PSTPIP1: variants seen among roughly 807,000 people sequenced by gnomAD.
The protein encoded by PSTPIP1 is proline-serine-threonine phosphatase interacting protein 1.
In PSTPIP1, 66 loss-of-function variants were observed where a neutral mutation model predicts 69.6. That is an observed-to-expected ratio of 0.95 (90% confidence interval 0.78 to 1.16). The LOEUF (loss-of-function observed/expected upper bound fraction) is 1.16, where lower values mean the gene tolerates loss of function less well. PSTPIP1 is among the 50% of genes most tolerant of loss of function. The pLI, the probability that PSTPIP1 is intolerant of heterozygous loss-of-function variation, is 0.00. For synonymous variants in PSTPIP1, 266 were observed against 222.7 expected (o/e 1.19, Z -1.73); for missense variants, 603 against 557.4 (o/e 1.08, Z -0.82).
At chr15:77,035,059 T>C (rs548524554) in intron 12 of PSTPIP1, among the ~76,000 whole-genome samples, 9 of 152,316 alleles carry the variant, frequency 5.9e-5, no homozygotes, top group African/African-American at 1.9e-4. Context: ...TGTGTGGCAG[T>C]GCACCCCCCA....
intron 13 of PSTPIP1, 43 bp from the exon 14 acceptor site, chr15:77,035,758 GT>G: frequency 6.9e-7 from 1 of 1,438,860 alleles, no homozygotes; most frequent in Non-Finnish European, 9.0e-7. Flanking sequence ...CCAGGGGCCA[GT>G]GTCCCCAGAA....
chr15:77,037,386 T>C lies in PSTPIP1; in HGVS notation c.*210T>C, dbSNP rs1251169420. On this transcript the variant is annotated 3_prime_UTR_variant, in exon 15 of 15. Transcript: ENST00000558012. ...TTCTCCTGCTCCAGTGTCCGAGTGC[T>C]CAGTTCAGAGGAGGCAAAGGAACAA... 6 of 580,370 alleles carry C rather than the reference T, an allele frequency of 1.0e-5. No homozygotes were observed. The highest frequency in any genetic ancestry group is 1.7e-5 in the Non-Finnish European group (6 of 353,524). The allele number at this position is 580,370 out of a possible 1,614,324, so 36.0% of individuals were successfully genotyped here.
chr15:77,025,235 G>C, intron 3 of PSTPIP1, 49 bp from the exon 4 acceptor site: 1 of 1,563,346 alleles, frequency 6.4e-7, no homozygotes, highest in Non-Finnish European at 8.8e-7. Flanking sequence ...TGGACTGTAG[G>C]TTCCCGCTGT....
chr15:77,022,720 G>A (rs900735102), intron 3 of PSTPIP1, among the ~76,000 whole-genome samples: 1 of 152,208 alleles, frequency 6.6e-6, no homozygotes, highest in African/African-American at 2.4e-5. Context: ...TTCATCTGGG[G>A]CCAAGAAAGG....
At chr15:77,036,041 C>G in intron 14 of PSTPIP1, 106 bp downstream of exon 14, 2 of 1,366,106 alleles carry the variant, frequency 1.5e-6, no homozygotes, top group Non-Finnish European at 1.9e-6. Context: ...TGGTTTCACT[C>G]ATCTTCGAGC....
intron 14 of PSTPIP1, 86 bp from the exon 15 acceptor site, chr15:77,036,959 G>C: frequency 6.5e-7 from 1 of 1,538,738 alleles, no homozygotes. Context: ...CGCATTTACT[G>C]CTGGGTGGGG....
intron 1 of PSTPIP1, among the ~76,000 whole-genome samples, chr15:76,996,568 C>A (rs952574508): frequency 2.0e-5 from 3 of 152,248 alleles, no homozygotes; most frequent in Non-Finnish European, 4.4e-5. Context: ...GGGCCTTTTC[C>A]TGGGGCTGCA....
intron 14 of PSTPIP1, among the ~76,000 whole-genome samples, chr15:77,036,824 G>A (rs1011139923): frequency 4.6e-5 from 7 of 152,136 alleles, no homozygotes; most frequent in African/African-American, 7.2e-5. Flanking sequence ...AGGTGAGGCT[G>A]GGAAGAAACC....
chr15:77,036,681 A>AGCTGGG (rs1366394753), intron 14 of PSTPIP1, among the ~76,000 whole-genome samples: 2 of 152,084 alleles, frequency 1.3e-5, no homozygotes, highest in East Asian at 1.9e-4. Flanking sequence ...GGCAGTGGCT[A>AGCTGGG]GCTGGGGCTG....
At chr15:77,030,346 A>AC (rs1784869912) in intron 8 of PSTPIP1, among the ~76,000 whole-genome samples, 156 bp from the exon 9 acceptor site, 1 of 152,172 alleles carries the variant, frequency 6.6e-6, no homozygotes, top group Non-Finnish European at 1.5e-5. Flanking sequence ...GGTGGCCCTG[A>AC]CGGGCATTCA....
intron 7 of PSTPIP1, 104 bp downstream of exon 7, chr15:77,028,756 G>A: frequency 9.6e-7 from 1 of 1,041,196 alleles, no homozygotes; most frequent in East Asian, 2.9e-5. Context: ...TGCATCTGGG[G>A]ATGCTGCTTA....
At chr15:77,032,765 C>A in intron 11 of PSTPIP1, 97 bp from the exon 12 acceptor site, 1 of 1,090,414 alleles carries the variant, frequency 9.2e-7, no homozygotes, top group Non-Finnish European at 1.3e-6. Flanking sequence ...CAGGATGGGC[C>A]AGGGCCAGAT....
intron 12 of PSTPIP1, among the ~76,000 whole-genome samples, chr15:77,034,162 T>C (rs1388801657): frequency 6.6e-6 from 1 of 150,768 alleles, no homozygotes; most frequent in Non-Finnish European, 1.5e-5. Context: ...GGTCAGTGAC[T>C]GGGAGTCAGA....
chr15:77,029,439 G>C (rs529834707), intron 7 of PSTPIP1, 90 bp from the exon 8 acceptor site: 39 of 1,466,192 alleles, frequency 2.7e-5, no homozygotes, highest in East Asian at 2.5e-4. Context: ...CAGGGTGGCC[G>C]GGGAAGCTTG....
intron 1 of PSTPIP1, among the ~76,000 whole-genome samples, chr15:77,004,875 C>A (rs1223803210): frequency 6.0e-5 from 9 of 149,156 alleles, no homozygotes; most frequent in African/African-American, 2.2e-4. Context: ...AACAAACAAA[C>A]AAACAAAAAA....
intron 7 of PSTPIP1, 114 bp downstream of exon 7, chr15:77,028,766 A>G: frequency 1.1e-6 from 1 of 941,662 alleles, no homozygotes. Flanking sequence ...GATGCTGCTT[A>G]GCCCTCTCTG....
At position 77,035,876 on chromosome 15, in the gene PSTPIP1, C is replaced by G. The variant is rs1013725363; in HGVS notation, c.1060C>G (p.Gln354Glu). 6.2e-7 allele frequency: 1 copy of G among 1,610,664 alleles called. No homozygotes were observed. ...VYTAIAVQEI[Q>E]GNPASPAQEY... Reference sequence around the variant, plus strand: ...CACAGCCATCGCAGTGCAGGAGATACAGGGAAACCCGGCCTCACCAGCCCA... The same window carrying G: ...CACAGCCATCGCAGTGCAGGAGATAGAGGGAAACCCGGCCTCACCAGCCCA... Residue 354 changes from glutamine to glutamate, a missense_variant, in exon 14 of 15, where the codon CAG becomes GAG. By Grantham distance (29) the Gln-to-Glu change is conservative. Transcript: ENST00000558012.
intron 3 of PSTPIP1, among the ~76,000 whole-genome samples, chr15:77,018,747 A>C (rs2076103594): frequency 6.6e-6 from 1 of 152,184 alleles, no homozygotes; most frequent in Non-Finnish European, 1.5e-5. Context: ...GGGTCTGGGC[A>C]GGGGAGACAG....
upstream of PSTPIP1, chr15:76,995,030 C>A (rs974217307): frequency 8.4e-7 from 1 of 1,188,954 alleles, no homozygotes; most frequent in Non-Finnish European, 1.1e-6. Flanking sequence ...GAGGCAGGAG[C>A]AGGATGGCAG....
Sources: allele counts gnomAD v4.1 joint callset (sites outside exome capture counted in the v4.1 genomes callset), GRCh38; gene constraint gnomAD v4.1.1; transcripts MANE v1.5; gene names NCBI Gene and HGNC (gene_info 2026-07-23, HGNC 2026-07-21).